The following MRS2 variants were observed in gnomAD, a reference collection of about 807,000 sequenced individuals.
MRS2 encodes magnesium transporter MRS2, also known as magnesium transporter MRS2 homolog, mitochondrial.
In MRS2, 40 loss-of-function variants were observed where a neutral mutation model predicts 52.6. The ratio of observed to expected loss-of-function variants is 0.76; its 90% CI spans 0.59 to 0.99. The LOEUF (loss-of-function observed/expected upper bound fraction) is 0.99. Among genes scored for constraint, MRS2 ranks in the 50% least tolerant of loss-of-function variants. MRS2 has a pLI of 0.00. For synonymous variants in MRS2, 193 were observed against 195.9 expected (o/e 0.98, Z 0.13); for missense variants, 472 against 532.7 (o/e 0.89, Z 1.12).
At position 24,412,244 on chromosome 6, in the gene MRS2, CAG is replaced by C. The variant is rs1170417735; in HGVS notation, c.440_441del (p.Glu147ValfsTer9). 2 of 1,575,986 alleles carry C rather than the reference CAG, an allele frequency of 1.3e-6. No homozygotes were observed. The highest frequency in any genetic ancestry group is 1.7e-6 in the Non-Finnish European group (2 of 1,165,340). ...CAGTATTTGAAAGCTGTGATAACTC[CAG>C]AGTGTCTTCTGATATTAGATTATCG... On this transcript the variant is annotated frameshift_variant, in exon 5 of 11. Coordinates refer to ENST00000378386, the MANE Select transcript of MRS2 (RefSeq NM_020662.4). LOFTEE classifies it high-confidence loss of function.
rs1762190336 is a variant in MRS2 at position 24,425,176 on chromosome 6, C to T, written c.*1482C>T. On this transcript the variant is annotated 3_prime_UTR_variant, in exon 11 of 11. Transcript: ENST00000378386. Reference sequence around the variant, plus strand: ...GATAATACTTATATTTCACAGGGCACACTTTTGGCACACCTCAGAGCACAC... The same window carrying T: ...GATAATACTTATATTTCACAGGGCATACTTTTGGCACACCTCAGAGCACAC... 6.6e-6 allele frequency: 1 copy of T among 152,182 alleles called. No homozygotes were observed. Among genetic ancestry groups the T allele is most frequent in the Admixed American group, 6.5e-5 (1 of 15,272 alleles). 9.4% of individuals were successfully genotyped at this position (152,182 alleles called of 1,614,324 possible).
chr6:24,416,581 G>GT, intron 7 of MRS2, 68 bp downstream of exon 7: 1 of 842,270 alleles, frequency 1.2e-6, no homozygotes, highest in Non-Finnish European at 2.0e-6. Context: ...CCACTTCAAG[G>GT]TGATTTTTCA....
chr6:24,423,623 A>G lies in MRS2; in HGVS notation c.1261A>G (p.Ser421Gly). 1 of 1,612,236 alleles carries G rather than the reference A, an allele frequency of 6.2e-7. No individual in the cohort carries two copies. The highest frequency in any genetic ancestry group is 1.1e-5 in the South Asian group (1 of 91,008). ...LPKKTLLADR[S>G]MELKNSLRLD... Reference sequence around the variant, plus strand: ...TAAAAAGACTCTTCTGGCAGATAGAAGCATGGAATTGAAAAATAGCCTCAG... The same window carrying G: ...TAAAAAGACTCTTCTGGCAGATAGAGGCATGGAATTGAAAAATAGCCTCAG... Residue 421 changes from serine to glycine, a missense_variant, in exon 11 of 11, where the codon AGC becomes GGC. Physicochemically the swap from Ser to Gly is moderately conservative, Grantham distance 56. Coordinates refer to ENST00000378386, the MANE Select transcript of MRS2 (RefSeq NM_020662.4).
At chr6:24,421,812 A>C (rs966730884) in intron 9 of MRS2, among the ~76,000 whole-genome samples, 2 of 152,222 alleles carry the variant, frequency 1.3e-5, no homozygotes, top group South Asian at 2.1e-4. Context: ...TTTGCCACTT[A>C]TCTCAGTAGT....
At chr6:24,410,853 G>T (rs1275255646) in intron 4 of MRS2, 3 of 938,904 alleles carry the variant, frequency 3.2e-6, no homozygotes, top group Admixed American at 2.2e-5. Context: ...TAACTGGTGG[G>T]TATATGGTGT....
At chr6:24,403,752 C>A (rs1761367629) in intron 1 of MRS2, among the ~76,000 whole-genome samples, 1 of 152,192 alleles carries the variant, frequency 6.6e-6, no homozygotes, top group South Asian at 2.1e-4. Context: ...TTCATCTGTT[C>A]GGAAGTCATA....
intron 9 of MRS2, 48 bp downstream of exon 9, chr6:24,418,626 T>A: frequency 7.1e-7 from 1 of 1,415,340 alleles, no homozygotes; most frequent in Non-Finnish European, 1.0e-6. Context: ...TGGCCGGGCA[T>A]GGTGGCTCAT....
At chr6:24,412,823 G>A (rs2127289806) in intron 5 of MRS2, among the ~76,000 whole-genome samples, 1 of 152,198 alleles carries the variant, frequency 6.6e-6, no homozygotes, top group East Asian at 1.9e-4. Flanking sequence ...AACAAGGGTG[G>A]TTCTCTGCTT....
At position 24,418,143 on chromosome 6, in the gene MRS2, A is replaced by C; in HGVS notation, c.896A>C (p.Tyr299Ser). 1 of 1,613,770 alleles carries C rather than the reference A, an allele frequency of 6.2e-7. No individual in the cohort carries two copies. Among genetic ancestry groups the C allele is most frequent in the Non-Finnish European group, 8.5e-7 (1 of 1,179,772 alleles). The change falls in exon 8 of 11, where the codon TAC becomes TCC. Residue 299 changes from tyrosine (Y) to serine (S), a missense_variant. By Grantham distance (144) the Tyr-to-Ser change is moderately radical. Transcript: ENST00000378386. ...GAGATGGAGTTGCTGTTGGAAAACT[A>C]CTACCGATTGGCTGACGATCTCTCC... ...AEEMELLLEN[Y>S]YRLADDLSNA...
Position 24,426,167 on chromosome 6 carries a change from A to G in MRS2, c.*2473A>G, listed in dbSNP as rs563246639. 37 of 152,348 alleles carry G rather than the reference A, an allele frequency of 2.4e-4. No individual in the cohort carries two copies. The South Asian group carries it at 5.4e-3, about 22-fold the overall frequency. 9.4% of individuals were successfully genotyped at this position (152,348 alleles called of 1,614,324 possible). A position where few individuals can be genotyped will look rare whatever the true frequency, so the allele number is the denominator to read the frequency against. On this transcript the variant is annotated 3_prime_UTR_variant, in exon 11 of 11. Coordinates refer to ENST00000378386, the MANE Select transcript of MRS2 (RefSeq NM_020662.4). ...TATGTAAATGTCTTCTGATATCTTG[A>G]AATAAAGATAAATTTCAGTTAAACT...
chr6:24,411,200 A>G (rs1417961294), intron 4 of MRS2, among the ~76,000 whole-genome samples: 1 of 151,992 alleles, frequency 6.6e-6, no homozygotes, highest in African/African-American at 2.4e-5. Context: ...CAAAAAAAAA[A>G]AAGAAAAAAA....
At chr6:24,409,705 T>C (rs1761590220) in intron 4 of MRS2, 132 bp downstream of exon 4, 2 of 590,768 alleles carry the variant, frequency 3.4e-6, no homozygotes, top group Non-Finnish European at 6.0e-6. Context: ...TAGGATGTTT[T>C]ATAGCTTAAT....
In MRS2 at chr6:24,403,009, C is replaced by T. The variant is rs1340584078; in HGVS notation, c.-38C>T. ...AGCAGCCAGCGTCCGGCATGAAGGT[C>T]TGGGGTCTGGCTGCTGCCTGCTTCT... On this transcript the variant is annotated 5_prime_UTR_variant, in exon 1 of 11. Transcript: ENST00000378386. 7.1e-6 allele frequency: 11 copies of T among 1,540,892 alleles called. No homozygotes were observed. The highest frequency in any genetic ancestry group is 1.9e-5 in the Admixed American group (1 of 51,884).
At position 24,418,578 on chromosome 6, in the gene MRS2, G is replaced by A. The variant is rs1212589811; in HGVS notation, c.1107G>A (p.Glu369=). 6.2e-7 allele frequency: 1 copy of A among 1,602,206 alleles called. No individual in the cohort carries two copies. The highest frequency in any genetic ancestry group is 1.3e-5 in the African/African-American group (1 of 74,610). ...FGMNLESSLE[E]DHRIFWLITG... is the part of the protein sequence containing the mutation. ...TGAATTTGGAATCTTCCCTTGAAGA[G>A]GTGAGAATGTATTATTATTTCTAAA... is the stretch of plus-strand genomic sequence containing the variant. The change falls in exon 9 of 11, where the codon GAG becomes GAA. Residue 369 remains glutamate (E), a splice_region_variant and synonymous_variant. Coordinates refer to ENST00000378386, the MANE Select transcript of MRS2 (RefSeq NM_020662.4).
intron 2 of MRS2, among the ~76,000 whole-genome samples, chr6:24,406,893 A>C (rs113199137): frequency 4.6e-5 from 7 of 152,382 alleles, no homozygotes; most frequent in African/African-American, 1.7e-4. Context: ...GAAAAATTTA[A>C]TTTGTGCTGT....
Position 24,416,406 on chromosome 6 carries a change from GT to G in MRS2, c.731del (p.Leu244Ter). On this transcript the variant is annotated frameshift_variant, in exon 7 of 11. Coordinates refer to ENST00000378386, the MANE Select transcript of MRS2 (RefSeq NM_020662.4). LOFTEE classifies it high-confidence loss of function. ...LLQNGKSLSELETDIKIFKES... is the reference protein window; with the variant it reads ...LLQNGKSLSEXETDIKIFKES... ...TATCTATTTCTTATAGTCTATCAGA[GT>G]TAGAAACAGATATTAAAATTTTCAA... The G allele has an allele frequency of 7.1e-7, 1 of 1,403,290 alleles. No individual in the cohort carries two copies. Among genetic ancestry groups the G allele is most frequent in the Non-Finnish European group, 1.0e-6 (1 of 990,944 alleles). 86.9% of individuals were successfully genotyped at this position (1,403,290 alleles called of 1,614,324 possible).
Position 24,418,151 on chromosome 6 carries a change from T to C in MRS2, c.904T>C (p.Leu302=). The part of the protein sequence containing the change: ...MELLLENYYR[L]ADDLSNAARE... The stretch of plus-strand genomic sequence containing the variant: ...GTTGCTGTTGGAAAACTACTACCGA[T>C]TGGCTGACGATCTCTCCAATGCAGC... Residue 302 remains leucine, a synonymous_variant, in exon 8 of 11, where the codon TTG becomes CTG. Coordinates refer to ENST00000378386, the MANE Select transcript of MRS2 (RefSeq NM_020662.4). 1 of 1,613,818 alleles carries C rather than the reference T, an allele frequency of 6.2e-7. No individual in the cohort carries two copies. Among genetic ancestry groups the C allele is most frequent in the Non-Finnish European group, 8.5e-7 (1 of 1,179,764 alleles).
At chr6:24,413,709 GCACTGTGA>G (rs1285541629) in intron 5 of MRS2, among the ~76,000 whole-genome samples, 1 of 152,226 alleles carries the variant, frequency 6.6e-6, no homozygotes, top group East Asian at 1.9e-4. Flanking sequence ...GTCTGCAGAG[GCACTGTGA>G]CTCTGGACTT....
chr6:24,423,731 A>T lies in MRS2; in HGVS notation c.*37A>T. On this transcript the variant is annotated 3_prime_UTR_variant, in exon 11 of 11. Transcript: ENST00000378386. ...TGGATACTGAAGTTTTTTTTATGGT[A>T]GTTACAGGAAACTTCTGATACTCTT... 2.0e-6 allele frequency: 2 copies of T among 1,019,632 alleles called. No homozygotes were observed. The highest frequency in any genetic ancestry group is 3.1e-5 in the South Asian group (2 of 63,512). The allele number at this position is 1,019,632 out of a possible 1,614,324, so 63.2% of individuals were successfully genotyped here.
Sources: allele counts gnomAD v4.1 joint callset (sites outside exome capture counted in the v4.1 genomes callset), GRCh38; gene constraint gnomAD v4.1.1; transcripts MANE v1.5; gene names NCBI Gene and HGNC (gene_info 2026-07-23, HGNC 2026-07-21).